Variants in NCAPG2 observed in about 807,000 individuals in gnomAD.
NCAPG2 encodes the protein condensin-2 complex subunit G2.
Under a neutral mutation model 141.1 loss-of-function variants are expected in NCAPG2, and 53 were observed. The ratio of observed to expected loss-of-function variants is 0.38; its 90% CI spans 0.30 to 0.47. NCAPG2 has a LOEUF of 0.47. Among genes scored for constraint, NCAPG2 ranks in the 20% least tolerant of loss-of-function variants. NCAPG2 has a pLI of 0.99. For synonymous variants in NCAPG2, 499 were observed against 490.7 expected (o/e 1.02, Z -0.22); for missense variants, 1,087 against 1,389.0 (o/e 0.78, Z 3.46).
intron 11 of NCAPG2, among the ~76,000 whole-genome samples, chr7:158,677,016 C>A (rs1380352514): frequency 2.0e-5 from 3 of 152,108 alleles, no homozygotes; most frequent in Admixed American, 1.3e-4. Flanking sequence ...CAGCCCCGAA[C>A]CCAGAGCCCA....
intron 27 of NCAPG2, among the ~76,000 whole-genome samples, chr7:158,634,416 T>C (rs1242913347): frequency 6.6e-6 from 1 of 152,204 alleles, no homozygotes; most frequent in Non-Finnish European, 1.5e-5. Context: ...ACTGTTATAT[T>C]ATATTAGGGA....
chr7:158,631,785 C>CAA, intron 27 of NCAPG2, 68 bp from the exon 28 acceptor site: 1 of 1,253,014 alleles, frequency 8.0e-7, no homozygotes, highest in Non-Finnish European at 1.2e-6. Flanking sequence ...TGTACATTTT[C>CAA]AAAAATATAA....
chr7:158,665,643 G>C (rs924246105), intron 13 of NCAPG2, among the ~76,000 whole-genome samples: 1 of 152,178 alleles, frequency 6.6e-6, no homozygotes, highest in Non-Finnish European at 1.5e-5. Flanking sequence ...CTCAACCTGA[G>C]GTTCCCATCT....
intron 26 of NCAPG2, among the ~76,000 whole-genome samples, chr7:158,645,147 A>C (rs962303547): frequency 5.9e-5 from 9 of 152,354 alleles, no homozygotes; most frequent in African/African-American, 2.2e-4. Flanking sequence ...TAACACCAAA[A>C]TATCCGTCAT....
At chr7:158,651,629 G>A (rs1008830369) in intron 23 of NCAPG2, among the ~76,000 whole-genome samples, 1 of 152,120 alleles carries the variant, frequency 6.6e-6, no homozygotes, top group Non-Finnish European at 1.5e-5. Flanking sequence ...AACATCACGT[G>A]GTACGAGAAC....
intron 24 of NCAPG2, among the ~76,000 whole-genome samples, chr7:158,649,721 T>A (rs1563506504): frequency 6.6e-6 from 1 of 152,256 alleles, no homozygotes; most frequent in Non-Finnish European, 1.5e-5. Flanking sequence ...ACAAAATTTA[T>A]GATTCACGTA....
At chr7:158,700,548 G>A (rs1835716273) in intron 2 of NCAPG2, among the ~76,000 whole-genome samples, 4 of 152,192 alleles carry the variant, frequency 2.6e-5, no homozygotes. Flanking sequence ...CACTGCTACT[G>A]CTAAAGCAGA....
At chr7:158,635,262 T>TA (rs1019894326) in intron 27 of NCAPG2, among the ~76,000 whole-genome samples, 47 of 151,224 alleles carry the variant, frequency 3.1e-4, no homozygotes, top group African/African-American at 1.0e-3. Context: ...CAAATTCGTT[T>TA]AAAAAAAAAG....
At chr7:158,645,289 C>T (rs1448593435) in intron 26 of NCAPG2, among the ~76,000 whole-genome samples, 1 of 152,194 alleles carries the variant, frequency 6.6e-6, no homozygotes, top group African/African-American at 2.4e-5. Context: ...ACCTCCACCA[C>T]TGAAGAGTGA....
chr7:158,676,471 C>T (rs1193720203), intron 11 of NCAPG2, among the ~76,000 whole-genome samples: 3 of 152,076 alleles, frequency 2.0e-5, no homozygotes, highest in South Asian at 2.1e-4. Context: ...ATGAGAGCAA[C>T]GAATGGGTAC....
Position 158,654,679 on chromosome 7 carries a change from A to T in NCAPG2, c.2662T>A (p.Cys888Ser). The part of the protein sequence containing the change: ...QQIIQTYLTV[C>S]KDVVMVGLGD... ...AGGCCTACCATAACAACATCTTTAC[A>T]CACAGTCAGGTAGGTCTGTAAGAGA... The change falls in exon 22 of 28, where the codon TGT (cysteine) becomes AGT (serine). Residue 888 changes from cysteine (C) to serine (S), a missense_variant. Physicochemically the swap from Cys to Ser is moderately radical, Grantham distance 112 (BLOSUM62 -1). Transcript: ENST00000356309. 2 of 1,613,954 alleles carry T rather than the reference A, an allele frequency of 1.2e-6. No homozygotes were observed. The highest frequency in any genetic ancestry group is 1.7e-6 in the Non-Finnish European group (2 of 1,179,944).
At chr7:158,650,756 G>C (rs1831428898) in intron 24 of NCAPG2, 76 bp downstream of exon 24, 5 of 1,479,954 alleles carry the variant, frequency 3.4e-6, no homozygotes, top group Admixed American at 2.4e-5. Flanking sequence ...GAAACGTAGA[G>C]AATGTACTGC....
Position 158,666,152 on chromosome 7 carries a change from G to C in NCAPG2, c.1480-1402C>G, listed in dbSNP as rs75515826. 5.0e-3 allele frequency among the ~76,000 whole-genome samples: 763 copies of C among 152,300 alleles called. 45 individuals carry two copies. In the East Asian group the frequency reaches 0.12, roughly 24 times the overall value. On this transcript the variant is annotated intron_variant, in intron 13 of 27. Transcript: ENST00000356309. ...AAGGGACTGGAGATTTCTTACCTAA[G>C]GGTGAGAGGCTGTGCTGTCACGGTT...
intron 13 of NCAPG2, chr7:158,667,225 C>G (rs558679176): frequency 1.0e-6 from 1 of 985,602 alleles, no homozygotes; most frequent in Non-Finnish European, 1.2e-6. Flanking sequence ...TCTTCCTCTG[C>G]TCTGGCGCCC....
intron 10 of NCAPG2, 152 bp downstream of exon 10, chr7:158,680,569 A>G: frequency 2.1e-6 from 1 of 474,596 alleles, no homozygotes; most frequent in Non-Finnish European, 3.5e-6. Flanking sequence ...TGCTTTTAAT[A>G]AAAGAAAAAA....
chr7:158,675,161 T>A (rs1054416493), intron 12 of NCAPG2, among the ~76,000 whole-genome samples: 1 of 152,190 alleles, frequency 6.6e-6, no homozygotes, highest in African/African-American at 2.4e-5. Context: ...TGAATCCAAA[T>A]ATATTATATG....
intron 13 of NCAPG2, among the ~76,000 whole-genome samples, chr7:158,666,887 A>G (rs570253793): frequency 5.6e-4 from 85 of 152,096 alleles, no homozygotes; most frequent in Non-Finnish European, 1.0e-3. Flanking sequence ...AAACAAAGAG[A>G]AAGTATAACT....
intron 8 of NCAPG2, among the ~76,000 whole-genome samples, chr7:158,683,707 G>A (rs980137877): frequency 1.3e-5 from 2 of 152,210 alleles, no homozygotes; most frequent in African/African-American, 2.4e-5. Flanking sequence ...CTGAGTGCAT[G>A]GTGAGTGTGG....
At chr7:158,697,950 G>A (rs950484498) in intron 2 of NCAPG2, among the ~76,000 whole-genome samples, 10 of 152,182 alleles carry the variant, frequency 6.6e-5, no homozygotes, top group African/African-American at 2.4e-4. Context: ...TAGAGGGTGG[G>A]AGGAGGGAGA....
Sources: allele counts gnomAD v4.1 joint callset (sites outside exome capture counted in the v4.1 genomes callset), GRCh38; gene constraint gnomAD v4.1.1; transcripts MANE v1.5; gene names NCBI Gene and HGNC (gene_info 2026-07-23, HGNC 2026-07-21).